Variants in N4BP2L1 observed in about 807,000 individuals in gnomAD.
N4BP2L1 encodes the protein NEDD4 binding protein 2 like 1.
In N4BP2L1, 12 loss-of-function variants were observed where a neutral mutation model predicts 21.2. That is an observed-to-expected ratio of 0.57 (90% CI 0.36 to 0.92). The LOEUF is 0.92. Ranked by LOEUF, N4BP2L1 falls within the 40% of genes least tolerant of loss-of-function variation. The pLI, the probability that N4BP2L1 is intolerant of heterozygous loss-of-function variation, is 0.01. For synonymous variants in N4BP2L1, 104 were observed against 112.8 expected (o/e 0.92, Z 0.49); for missense variants, 259 against 310.6 (o/e 0.83, Z 1.25).
chr13:32,414,511 A>C (rs1226059440), intron 1 of N4BP2L1, among the ~76,000 whole-genome samples: 1 of 152,102 alleles, frequency 6.6e-6, no homozygotes, highest in African/African-American at 2.4e-5. Context: ...TATGTACAGC[A>C]ATTGCTTTTT....
chr13:32,400,858 A>T lies in N4BP2L1; in HGVS notation c.*2084T>A, dbSNP rs1308820170. ...GTCAATATTGGGTGTTCAAAGAGTT[A>T]CACAAATCAGAAGCCATGGGAGTTG... is the stretch of plus-strand genomic sequence containing the variant. On this transcript the variant is annotated 3_prime_UTR_variant, in exon 5 of 5. Transcript: ENST00000380130. 1 of 152,240 alleles carries T rather than the reference A, an allele frequency of 6.6e-6. No homozygotes were observed. The highest frequency in any genetic ancestry group is 2.4e-5 in the African/African-American group (1 of 41,472). 9.4% of individuals were successfully genotyped at this position (152,240 alleles called of 1,614,324 possible).
At chr13:32,405,696 A>T (rs2073435974) in intron 3 of N4BP2L1, among the ~76,000 whole-genome samples, 1 of 152,156 alleles carries the variant, frequency 6.6e-6, no homozygotes, top group Non-Finnish European at 1.5e-5. Context: ...CATTCACCAA[A>T]GCCCCACAAT....
At chr13:32,417,675 G>A (rs2074226999) in intron 1 of N4BP2L1, among the ~76,000 whole-genome samples, 1 of 152,156 alleles carries the variant, frequency 6.6e-6, no homozygotes. Context: ...CTAATGGAAG[G>A]GCTCAGAAGA....
intron 1 of N4BP2L1, chr13:32,411,821 C>T: frequency 1.0e-6 from 1 of 962,740 alleles, no homozygotes; most frequent in Non-Finnish European, 1.2e-6. Context: ...TTCAGCCAGT[C>T]AGTCACTCAC....
intron 1 of N4BP2L1, among the ~76,000 whole-genome samples, chr13:32,427,142 G>A (rs2074814085): frequency 6.6e-6 from 1 of 152,254 alleles, no homozygotes; most frequent in African/African-American, 2.4e-5. Context: ...GGGTACCGGA[G>A]GGCCGCTTAC....
chr13:32,427,993 CG>C lies in N4BP2L1; in HGVS notation c.89del (p.Pro30ArgfsTer41). The stretch of plus-strand genomic sequence containing the variant: ...TGTGGCGGCGAGGAGGTGTCCCCCG[CG>C]GGGGCGGCCGGGGCGGCCGCTGCCG... Reference protein sequence around the residue: ...QQRQRPPRPPPRGTPPRRHSF... With the variant: ...QQRQRPPRPPXRGTPPRRHSF... On this transcript the variant is annotated frameshift_variant, in exon 1 of 5. Transcript: ENST00000380130. LOFTEE classifies it high-confidence loss of function. 2 of 1,555,948 alleles carry C rather than the reference CG, an allele frequency of 1.3e-6. No individual in the cohort carries two copies. The highest frequency in any genetic ancestry group is 8.7e-7 in the Non-Finnish European group (1 of 1,153,898).
intron 1 of N4BP2L1, among the ~76,000 whole-genome samples, chr13:32,419,582 T>C (rs1488808300): frequency 1.3e-5 from 2 of 151,914 alleles, no homozygotes; most frequent in Non-Finnish European, 2.9e-5. Flanking sequence ...GATCTGATGG[T>C]TTCATAAGGC....
At chr13:32,422,168 T>C (rs1294643572) in intron 1 of N4BP2L1, among the ~76,000 whole-genome samples, 2 of 145,906 alleles carry the variant, frequency 1.4e-5, no homozygotes, top group Non-Finnish European at 3.0e-5. Context: ...ATATTTTTTA[T>C]ATTATGAGAA....
intron 1 of N4BP2L1, among the ~76,000 whole-genome samples, chr13:32,427,275 A>T (rs1289324440): frequency 6.6e-6 from 1 of 152,194 alleles, no homozygotes; most frequent in Non-Finnish European, 1.5e-5. Flanking sequence ...CTGCCAAAGC[A>T]AACGCAGGCT....
At chr13:32,412,528 G>A (rs1289439490) in intron 1 of N4BP2L1, among the ~76,000 whole-genome samples, 1 of 151,758 alleles carries the variant, frequency 6.6e-6, no homozygotes, top group Non-Finnish European at 1.5e-5. Flanking sequence ...TCAGGAGGCT[G>A]AGGCATGAGA....
intron 1 of N4BP2L1, among the ~76,000 whole-genome samples, chr13:32,427,331 A>ACTGCCACGGCCGCCCCGGGCCC (rs1216590427): frequency 6.6e-6 from 1 of 152,028 alleles, no homozygotes; most frequent in East Asian, 1.9e-4. Flanking sequence ...GCCCCGGGCC[A>ACTGCCACGGCCGCCCCGGGCCC]CTGCCACGGC....
intron 1 of N4BP2L1, among the ~76,000 whole-genome samples, chr13:32,408,749 G>T (rs2073676790): frequency 6.6e-6 from 1 of 152,200 alleles, no homozygotes; most frequent in Non-Finnish European, 1.5e-5. Context: ...GAGGAAAAAA[G>T]GTTGGAGAAT....
chr13:32,424,428 T>A (rs2074652285), intron 1 of N4BP2L1, among the ~76,000 whole-genome samples: 1 of 152,238 alleles, frequency 6.6e-6, no homozygotes, highest in African/African-American at 2.4e-5. Flanking sequence ...GCATTTGAGA[T>A]GCCACTCCCC....
At chr13:32,423,901 G>C (rs1158034715) in intron 1 of N4BP2L1, among the ~76,000 whole-genome samples, 1 of 152,196 alleles carries the variant, frequency 6.6e-6, no homozygotes, top group Non-Finnish European at 1.5e-5. Context: ...ATAATACAAT[G>C]CCAGTGGATT....
At chr13:32,408,181 AC>A (rs1212153782) in intron 1 of N4BP2L1, among the ~76,000 whole-genome samples, 1 of 151,964 alleles carries the variant, frequency 6.6e-6, no homozygotes, top group Non-Finnish European at 1.5e-5. Context: ...TGGGTGCCAG[AC>A]CCCCATGCTG....
chr13:32,403,633 G>T (rs1231229112), intron 4 of N4BP2L1: 1 of 518,668 alleles, frequency 1.9e-6, no homozygotes, highest in South Asian at 1.5e-5. Flanking sequence ...ATCAACTGGG[G>T]ATATAGTTAG....
intron 1 of N4BP2L1, among the ~76,000 whole-genome samples, chr13:32,417,155 C>T (rs187408839): frequency 8.6e-4 from 131 of 152,278 alleles, no homozygotes; most frequent in Admixed American, 7.4e-3. Flanking sequence ...GTGAGAATTT[C>T]TATTTACTCA....
chr13:32,403,148 A>C lies in N4BP2L1; in HGVS notation c.526T>G (p.Tyr176Asp). 1 of 1,611,868 alleles carries C rather than the reference A, an allele frequency of 6.2e-7. No individual in the cohort carries two copies. Reference protein sequence around the residue: ...REKIHRMKERYEHDVTFHSVL... With the variant: ...REKIHRMKERDEHDVTFHSVL... ...CTGTGAAAAGTAACATCGTGTTCAT[A>C]CCGTTCTTTCATTCGGTGGATTTTT... Residue 176 changes from tyrosine to aspartate, a missense_variant, in exon 5 of 5, where the codon TAT becomes GAT. Coordinates refer to ENST00000380130, the MANE Select transcript of N4BP2L1 (RefSeq NM_052818.3).
chr13:32,428,175 T>G, upstream of N4BP2L1: 1 of 1,289,976 alleles, frequency 7.8e-7, no homozygotes, highest in Non-Finnish European at 1.0e-6. Flanking sequence ...TCCGGCCATG[T>G]GATGGATAGA....
Sources: allele counts gnomAD v4.1 joint callset (sites outside exome capture counted in the v4.1 genomes callset), GRCh38; gene constraint gnomAD v4.1.1; transcripts MANE v1.5; gene names NCBI Gene and HGNC (gene_info 2026-07-23, HGNC 2026-07-21).